Variants in ATG16L1 observed in about 807,000 individuals in gnomAD.
ATG16L1 encodes the protein autophagy-related protein 16-1.
Under a neutral mutation model 88.5 loss-of-function variants are expected in ATG16L1, and 37 were observed. The observed-to-expected ratio is 0.42, with a 90% CI of 0.32 to 0.55. The LOEUF is 0.55. ATG16L1 is among the 20% of genes least tolerant of loss of function. ATG16L1 has a pLI of 0.13. For missense variants in ATG16L1, 554 were observed against 752.8 expected (o/e 0.74, Z 3.09); for synonymous variants, 301 against 281.0 (o/e 1.07, Z -0.71).
intron 6 of ATG16L1, 143 bp downstream of exon 6, chr2:233,270,210 A>G (rs1697899571): frequency 3.8e-6 from 2 of 527,750 alleles, no homozygotes; most frequent in Non-Finnish European, 6.4e-6. Context: ...TGGTGTGATC[A>G]TAGCTTCTAA....
chr2:233,281,226 C>G, intron 11 of ATG16L1, 51 bp downstream of exon 11: 1 of 1,341,796 alleles, frequency 7.5e-7, no homozygotes, highest in Non-Finnish European at 1.0e-6. Flanking sequence ...TAATTTAAGA[C>G]ATTAGGTTCT....
chr2:233,274,496 T>A, intron 8 of ATG16L1, 180 bp from the exon 9 acceptor site: 1 of 517,862 alleles, frequency 1.9e-6, no homozygotes, highest in Non-Finnish European at 3.5e-6. Context: ...CTTTCTCATT[T>A]GAGTGAGGGT....
At chr2:233,291,735 A>G (rs1699476513) in intron 14 of ATG16L1, among the ~76,000 whole-genome samples, 1 of 152,208 alleles carries the variant, frequency 6.6e-6, no homozygotes, top group Admixed American at 6.5e-5. Context: ...GGCTAGAGTT[A>G]CACTTACAAG....
chr2:233,257,015 TTTG>T (rs1363072655), intron 2 of ATG16L1, among the ~76,000 whole-genome samples: 1 of 22,912 alleles, frequency 4.4e-5, no homozygotes, highest in Non-Finnish European at 1.3e-4. Context: ...TACAATTTTT[TTTG>T]TTTTGTTTTG....
At chr2:233,260,736 T>G (rs914887397) in intron 2 of ATG16L1, among the ~76,000 whole-genome samples, 1 of 152,192 alleles carries the variant, frequency 6.6e-6, no homozygotes, top group Non-Finnish European at 1.5e-5. Context: ...GTTCTGTGTC[T>G]TGGTAGACTT....
chr2:233,261,731 G>T (rs974582265), intron 2 of ATG16L1, among the ~76,000 whole-genome samples: 1 of 152,132 alleles, frequency 6.6e-6, no homozygotes, highest in Non-Finnish European at 1.5e-5. Flanking sequence ...CCTAGACAGT[G>T]GTTTCAGCTG....
chr2:233,267,308 C>T (rs1378638036), intron 5 of ATG16L1, among the ~76,000 whole-genome samples: 2 of 152,224 alleles, frequency 1.3e-5, no homozygotes, highest in Non-Finnish European at 2.9e-5. Context: ...AATATCATGC[C>T]ACTAGGCTCT....
intron 10 of ATG16L1, among the ~76,000 whole-genome samples, chr2:233,279,111 G>A (rs1225193007): frequency 6.7e-6 from 1 of 150,124 alleles, no homozygotes; most frequent in African/African-American, 2.4e-5. Context: ...CCAGGAGTGA[G>A]AGGCTGCTGT....
intron 8 of ATG16L1, 193 bp downstream of exon 8, chr2:233,273,970 A>G (rs1698166675): frequency 1.3e-6 from 2 of 1,550,914 alleles, no homozygotes; most frequent in Admixed American, 2.0e-5. Flanking sequence ...CTGCGTGCTG[A>G]TCTCTGGCCT....
chr2:233,267,816 G>A (rs184816261), intron 5 of ATG16L1, among the ~76,000 whole-genome samples: 3 of 151,666 alleles, frequency 2.0e-5, no homozygotes, highest in African/African-American at 7.3e-5. Context: ...TGCAGTGGAC[G>A]GGGGGTAATG....
At chr2:233,271,107 GA>G (rs746863126) in intron 6 of ATG16L1, among the ~76,000 whole-genome samples, 7 of 152,158 alleles carry the variant, frequency 4.6e-5, no homozygotes, top group Non-Finnish European at 8.8e-5. Flanking sequence ...ATAAATAGTT[GA>G]CCTGGAAATG....
chr2:233,280,635 A>G (rs1352470858), intron 10 of ATG16L1, among the ~76,000 whole-genome samples: 1 of 152,230 alleles, frequency 6.6e-6, no homozygotes, highest in African/African-American at 2.4e-5. Flanking sequence ...ACCTTAATGA[A>G]AATTACCACA....
intron 2 of ATG16L1, among the ~76,000 whole-genome samples, chr2:233,257,177 C>T (rs996626668): frequency 2.0e-5 from 3 of 152,120 alleles, no homozygotes; most frequent in Admixed American, 1.3e-4. Flanking sequence ...CCACAGGCAC[C>T]CGCCACCACG....
intron 5 of ATG16L1, 94 bp from the exon 6 acceptor site, chr2:233,269,908 G>A: frequency 1.6e-6 from 2 of 1,245,110 alleles, no homozygotes; most frequent in Non-Finnish European, 2.2e-6. Context: ...TGCACTGAAT[G>A]TGTTATTAGA....
chr2:233,263,615 T>A (rs1044604097), intron 3 of ATG16L1, among the ~76,000 whole-genome samples: 1 of 152,282 alleles, frequency 6.6e-6, no homozygotes, highest in Non-Finnish European at 1.5e-5. Flanking sequence ...AAGAATCAAG[T>A]CCTAGGCTGT....
In ATG16L1 at chr2:233,282,752, G is replaced by A. The variant is rs1698801663; in HGVS notation, c.1202G>A (p.Arg401Gln). 1 of 1,613,536 alleles carries A rather than the reference G, an allele frequency of 6.2e-7. No individual in the cohort carries two copies. Among genetic ancestry groups the A allele is most frequent in the African/African-American group, 1.3e-5 (1 of 74,908 alleles). The change falls in exon 12 of 18, where the codon CGG (arginine) becomes CAG (glutamine). Residue 401 changes from arginine to glutamine, a missense_variant and splice_region_variant. By Grantham distance (43) the Arg-to-Gln change is conservative (BLOSUM62 1). This residue lies in a region of ATG16L1 where 370 missense variants were observed against 509.7 expected (regional missense o/e 0.73). Coordinates refer to ENST00000392017, the MANE Select transcript of ATG16L1 (RefSeq NM_030803.7). Reference protein sequence around the residue: ...RIWTVDDYRLRHTLTGHSGKV... With the variant: ...RIWTVDDYRLQHTLTGHSGKV... ...TGGACTGTGGATGATTATCGATTAC[G>A]GGTAAGACCCAGTTAAGAAAGTTAG...
At chr2:233,272,548 G>C (rs1009584221) in intron 6 of ATG16L1, among the ~76,000 whole-genome samples, 3 of 152,094 alleles carry the variant, frequency 2.0e-5, no homozygotes, top group Non-Finnish European at 4.4e-5. Context: ...AACTACCCTA[G>C]GTACCCCTCA....
Position 233,270,020 on chromosome 2 carries a change from G to T in ATG16L1, c.660G>T (p.Leu220=). Residue 220 remains leucine, a synonymous_variant, in exon 6 of 18, where the codon CTG becomes CTT. Coordinates refer to ENST00000392017, the MANE Select transcript of ATG16L1 (RefSeq NM_030803.7). ...EKDSRRRQAR[L]QKELAEAAKE... is the part of the protein sequence containing the mutation. Reference sequence around the variant, plus strand: ...CCAACAGGAGGCGGCAAGCCCGGCTGCAGAAAGAGCTTGCAGAAGCAGCAA... The same window carrying T: ...CCAACAGGAGGCGGCAAGCCCGGCTTCAGAAAGAGCTTGCAGAAGCAGCAA... 6.3e-7 allele frequency: 1 copy of T among 1,578,658 alleles called. No individual in the cohort carries two copies. Among genetic ancestry groups the T allele is most frequent in the Non-Finnish European group, 8.6e-7 (1 of 1,165,672 alleles).
At chr2:233,264,376 G>C (rs1235122524) in intron 4 of ATG16L1, among the ~76,000 whole-genome samples, 1 of 152,190 alleles carries the variant, frequency 6.6e-6, no homozygotes, top group Non-Finnish European at 1.5e-5. Context: ...TGGTGGAGGT[G>C]GTAGGGCCAG....
Sources: gnomAD v4.1 joint callset for allele counts (sites outside exome capture counted in the v4.1 genomes callset) on GRCh38, gnomAD v4.1.1 for gene constraint, gnomAD v4.1.1 regional missense constraint, MANE v1.5 for transcripts, NCBI Gene and HGNC (gene_info 2026-07-23, HGNC 2026-07-21) for gene names.